Variants in STK33 observed in about 807,000 individuals in gnomAD.
STK33 encodes the protein serine/threonine kinase 33.
In STK33, 52 loss-of-function variants were observed where a neutral mutation model predicts 58.0. That is an observed-to-expected ratio of 0.90 (90% CI 0.72 to 1.13). STK33 has a LOEUF of 1.13. Ranked by LOEUF, STK33 falls within the 50% of genes most tolerant of loss-of-function variation. STK33 has a pLI of 0.00. For missense variants in STK33, 630 were observed against 604.2 expected (o/e 1.04, Z -0.45); for synonymous variants, 215 against 200.1 (o/e 1.07, Z -0.63).
At chr11:8,526,306 C>G (rs1369500820) in intron 1 of STK33, among the ~76,000 whole-genome samples, 1 of 151,772 alleles carries the variant, frequency 6.6e-6, no homozygotes, top group African/African-American at 2.4e-5. Flanking sequence ...GCAGGAGAAT[C>G]GCTTGAACCC....
chr11:8,420,795 G>A (rs1418604190), intron 14 of STK33, among the ~76,000 whole-genome samples: 1 of 152,080 alleles, frequency 6.6e-6, no homozygotes, highest in African/African-American at 2.4e-5. Context: ...TCAGGAGTTC[G>A]AGACCAGCCT....
At chr11:8,435,972 A>G in intron 13 of STK33, 55 bp downstream of exon 13, 3 of 1,100,618 alleles carry the variant, frequency 2.7e-6, no homozygotes, top group Non-Finnish European at 1.2e-6. Context: ...CCACAGGCCA[A>G]CTTTCTTATG....
At chr11:8,365,909 G>A in the STK33 span, among the ~76,000 whole-genome samples, 1 of 152,132 alleles carries the variant, frequency 6.6e-6, no homozygotes, top group African/African-American at 2.4e-5. Context: ...TCCAGCTCTG[G>A]TCTCAGCCTT....
intron 1 of STK33, among the ~76,000 whole-genome samples, chr11:8,518,500 C>T (rs1297250696): frequency 2.0e-5 from 3 of 152,118 alleles, no homozygotes; most frequent in Non-Finnish European, 4.4e-5. Context: ...CAATATTAAC[C>T]TTAAATGTAA....
At chr11:8,583,044 C>T (rs2030706671) in intron 1 of STK33, among the ~76,000 whole-genome samples, 1 of 152,220 alleles carries the variant, frequency 6.6e-6, no homozygotes, top group African/African-American at 2.4e-5. Context: ...AAGCTTATTT[C>T]ATTGGACACC....
chr11:8,589,188 A>G (rs1037573522), intron 1 of STK33, among the ~76,000 whole-genome samples: 3 of 152,200 alleles, frequency 2.0e-5, no homozygotes, highest in African/African-American at 7.2e-5. Context: ...CTGATAATAT[A>G]TGTTCACACA....
intron 1 of STK33, among the ~76,000 whole-genome samples, chr11:8,528,707 T>A (rs1042940326): frequency 6.6e-6 from 1 of 152,254 alleles, no homozygotes; most frequent in African/African-American, 2.4e-5. Flanking sequence ...TGGCCTTCTG[T>A]GGCCATATCC....
At chr11:8,540,992 C>CTATATA (rs1554989773) in intron 1 of STK33, among the ~76,000 whole-genome samples, 3 of 137,644 alleles carry the variant, frequency 2.2e-5, no homozygotes, top group Non-Finnish European at 3.2e-5. Context: ...CTCTCTCTCT[C>CTATATA]TCTATATATA....
chr11:8,419,357 G>C (rs1454227282), intron 14 of STK33, among the ~76,000 whole-genome samples: 1 of 152,094 alleles, frequency 6.6e-6, no homozygotes, highest in African/African-American at 2.4e-5. Flanking sequence ...CCCACTGCTT[G>C]GTTTTGTCAG....
chr11:8,460,177 ACATCTGG>A (rs1054201826), intron 8 of STK33, among the ~76,000 whole-genome samples: 3 of 152,240 alleles, frequency 2.0e-5, no homozygotes, highest in Admixed American at 6.5e-5. Flanking sequence ...AAAATTCACA[ACATCTGG>A]CATCTGGCCA....
At chr11:8,574,371 T>C (rs1023539665) in intron 1 of STK33, among the ~76,000 whole-genome samples, 1 of 152,136 alleles carries the variant, frequency 6.6e-6, no homozygotes, top group Non-Finnish European at 1.5e-5. Flanking sequence ...ATTTTGTAAA[T>C]CTGTAATTAT....
chr11:8,462,028 TCATA>T, intron 7 of STK33, 119 bp from the exon 8 acceptor site: 1 of 642,642 alleles, frequency 1.6e-6, no homozygotes. Context: ...TGAAGTGAAT[TCATA>T]CATTTTTTGA....
At chr11:8,408,968 G>C (rs1304778407) in intron 15 of STK33, among the ~76,000 whole-genome samples, 3 of 152,178 alleles carry the variant, frequency 2.0e-5, no homozygotes, top group African/African-American at 7.2e-5. Flanking sequence ...CCTCTGCCTA[G>C]CATCTACCAA....
chr11:8,549,495 C>T (rs1224015633), intron 1 of STK33, among the ~76,000 whole-genome samples: 1 of 151,464 alleles, frequency 6.6e-6, no homozygotes, highest in Non-Finnish European at 1.5e-5. Flanking sequence ...GAGAGTGATG[C>T]TAGCCTTGTA....
In STK33 at chr11:8,505,793, T is replaced by G. The variant is rs369856999; in HGVS notation, c.-465-25179A>C. On this transcript the variant is annotated intron_variant, in intron 1 of 15. Transcript: ENST00000687296. ...GTGAACAAATGAATGAAGGAAGGAA[T>G]GAATGAATTAGGCAGTAGGAAAGGC... is the stretch of plus-strand genomic sequence containing the variant. Among the ~76,000 whole-genome samples, 23 of 152,340 alleles carry G rather than the reference T, an allele frequency of 1.5e-4. No homozygotes were observed. In the East Asian group the frequency reaches 1.7e-3, roughly 11 times the overall value.
chr11:8,431,832 T>C (rs956713387), intron 14 of STK33, among the ~76,000 whole-genome samples: 2 of 152,216 alleles, frequency 1.3e-5, no homozygotes, highest in Non-Finnish European at 2.9e-5. Context: ...CACAATTTTC[T>C]TTCCTTTTCT....
chr11:8,455,792 CAG>C (rs1565046499), intron 9 of STK33, among the ~76,000 whole-genome samples: 1 of 106,890 alleles, frequency 9.4e-6, no homozygotes, highest in Non-Finnish European at 1.7e-5. Flanking sequence ...GCCTGGGTAA[CAG>C]AGAGAGACTC....
intron 15 of STK33, among the ~76,000 whole-genome samples, chr11:8,402,792 T>C (rs779982271): frequency 6.6e-5 from 10 of 152,214 alleles, no homozygotes; most frequent in Admixed American, 6.5e-5. Flanking sequence ...AATTCCAGCT[T>C]CCAAGCTTTA....
At chr11:8,369,064 C>A in the STK33 span, among the ~76,000 whole-genome samples, 10 of 152,190 alleles carry the variant, frequency 6.6e-5, no homozygotes, top group Non-Finnish European at 1.2e-4. Flanking sequence ...TCTCGGTTCA[C>A]TGCCATGGGG....
Sources: allele counts gnomAD v4.1 joint callset (sites outside exome capture counted in the v4.1 genomes callset), GRCh38; gene constraint gnomAD v4.1.1; transcripts MANE v1.5; gene names NCBI Gene and HGNC (gene_info 2026-07-23, HGNC 2026-07-21).